Variants in DNM3 observed in about 807,000 individuals in gnomAD.
The protein encoded by DNM3 is dynamin 3.
DNM3 carries 47 observed loss-of-function variants against 101.6 expected under a neutral mutation model. The ratio of observed to expected loss-of-function variants is 0.46; its 90% confidence interval spans 0.37 to 0.59. The LOEUF is 0.59. Among genes scored for constraint, DNM3 ranks in the 20% least tolerant of loss-of-function variants. The pLI, the probability that DNM3 is intolerant of heterozygous loss-of-function variation, is 0.00. For synonymous variants in DNM3, 385 were observed against 387.9 expected (o/e 0.99, Z 0.09); for missense variants, 849 against 1,085.7 (o/e 0.78, Z 3.06).
intron 14 of DNM3, among the ~76,000 whole-genome samples, chr1:172,220,665 A>T (rs1557835572): frequency 6.6e-6 from 1 of 152,170 alleles, no homozygotes; most frequent in Non-Finnish European, 1.5e-5. Flanking sequence ...TGGAGATCGC[A>T]TTACCAAATA....
chr1:172,132,557 TA>T (rs935699749), intron 14 of DNM3, among the ~76,000 whole-genome samples: 9 of 152,308 alleles, frequency 5.9e-5, no homozygotes, highest in Admixed American at 1.3e-4. Context: ...TCCCTAGATG[TA>T]AAAATCACTA....
At chr1:172,356,071 C>T (rs2067438211) in intron 17 of DNM3, among the ~76,000 whole-genome samples, 1 of 152,056 alleles carries the variant, frequency 6.6e-6, no homozygotes, top group African/African-American at 2.4e-5. Context: ...GAGGGAAACA[C>T]TGCCAAGCTA....
intron 13 of DNM3, among the ~76,000 whole-genome samples, chr1:172,099,936 G>A (rs1000443620): frequency 1.3e-5 from 2 of 152,200 alleles, no homozygotes; most frequent in African/African-American, 4.8e-5. Flanking sequence ...GACTGATGTG[G>A]CATTTACATG....
At position 172,103,762 on chromosome 1, in the gene DNM3, G is replaced by A. The variant is rs1277752901; in HGVS notation, c.1545+10887G>A. 9.2e-5 allele frequency among the ~76,000 whole-genome samples: 14 copies of A among 152,294 alleles called. No homozygotes were observed. In the Middle Eastern group the frequency reaches 0.01, roughly 111 times the overall value. On this transcript the variant is annotated intron_variant, in intron 13 of 20. Transcript: ENST00000627582. ...TCACGCCTGTAATCCCAGCACTTTG[G>A]GGTGCCAAGGAGGGTGGATCACGAG...
chr1:171,897,944 G>T (rs1285234682), intron 1 of DNM3, among the ~76,000 whole-genome samples: 1 of 150,740 alleles, frequency 6.6e-6, no homozygotes, highest in Non-Finnish European at 1.5e-5. Context: ...ACTAATACTT[G>T]TATTTGTACA....
chr1:172,208,584 A>G (rs1278904816), intron 14 of DNM3, among the ~76,000 whole-genome samples: 1 of 152,050 alleles, frequency 6.6e-6, no homozygotes, highest in African/African-American at 2.4e-5. Context: ...CCTTTTGTGC[A>G]GATTTTGGAC....
chr1:171,985,736 C>A (rs2045204749), intron 2 of DNM3, among the ~76,000 whole-genome samples: 1 of 152,204 alleles, frequency 6.6e-6, no homozygotes, highest in Non-Finnish European at 1.5e-5. Context: ...CATTTCAATT[C>A]TTTGGTAAAT....
intron 15 of DNM3, among the ~76,000 whole-genome samples, chr1:172,302,435 G>T (rs1456125650): frequency 6.6e-6 from 1 of 152,224 alleles, no homozygotes; most frequent in African/African-American, 2.4e-5. Context: ...TCCACATCTG[G>T]GGACAGGGCA....
At chr1:171,905,677 A>G (rs754483766) in intron 1 of DNM3, among the ~76,000 whole-genome samples, 14 of 152,224 alleles carry the variant, frequency 9.2e-5, no homozygotes, top group Non-Finnish European at 2.1e-4. Flanking sequence ...AGGACTTTTA[A>G]CATAATGAGG....
At chr1:171,956,084 C>T (rs535423994) in intron 2 of DNM3, among the ~76,000 whole-genome samples, 2 of 152,090 alleles carry the variant, frequency 1.3e-5, no homozygotes, top group Non-Finnish European at 2.9e-5. Flanking sequence ...GGGGACATAG[C>T]CAAACATATC....
chr1:172,138,706 C>A, intron 14 of DNM3: 2 of 282,762 alleles, frequency 7.1e-6, no homozygotes, highest in South Asian at 3.3e-5. Context: ...AGATTAAAAC[C>A]CCAGGCCCCC....
Position 172,220,074 on chromosome 1 carries a change from G to A in DNM3, c.1660-33499G>A, listed in dbSNP as rs1572998146. Among the ~76,000 whole-genome samples, 7 of 152,248 alleles carry A rather than the reference G, an allele frequency of 4.6e-5. No homozygotes were observed. The South Asian group carries it at 8.3e-4, about 18-fold the overall frequency. ...TAACTAAATCTCACAGGAGGTCTTCGAGGAGAGCAAACCCAGAATTCATTG... is the reference window on the plus strand; with the variant it reads ...TAACTAAATCTCACAGGAGGTCTTCAAGGAGAGCAAACCCAGAATTCATTG... On this transcript the variant is annotated intron_variant, in intron 14 of 20. Coordinates refer to ENST00000627582, the MANE Select transcript of DNM3 (RefSeq NM_015569.5).
intron 1 of DNM3, among the ~76,000 whole-genome samples, chr1:171,883,674 G>T (rs538289462): frequency 1.4e-3 from 208 of 152,134 alleles, no homozygotes; most frequent in African/African-American, 4.9e-3. Flanking sequence ...GTTTTACCAT[G>T]TTGGTCAGGC....
chr1:171,842,393 G>A (rs748333580), intron 1 of DNM3, among the ~76,000 whole-genome samples: 12 of 152,176 alleles, frequency 7.9e-5, no homozygotes, highest in Non-Finnish European at 1.3e-4. Context: ...GGGGTGCGAG[G>A]AGAAAGACGT....
intron 1 of DNM3, among the ~76,000 whole-genome samples, chr1:171,891,167 T>C (rs2037236414): frequency 6.6e-6 from 1 of 152,096 alleles, no homozygotes; most frequent in Non-Finnish European, 1.5e-5. Flanking sequence ...GTCTCCTATA[T>C]AAGGAAGGTG....
chr1:171,947,357 G>A (rs568839205), intron 2 of DNM3, among the ~76,000 whole-genome samples: 42 of 152,210 alleles, frequency 2.8e-4, no homozygotes, highest in African/African-American at 9.4e-4. Context: ...CTGTTCTTAT[G>A]TGAATTTCTT....
chr1:172,173,952 A>G (rs960615763), intron 14 of DNM3, among the ~76,000 whole-genome samples: 1 of 151,702 alleles, frequency 6.6e-6, no homozygotes, highest in Non-Finnish European at 1.5e-5. Context: ...CCTAAGAGGA[A>G]TACCAAACTA....
intron 17 of DNM3, among the ~76,000 whole-genome samples, chr1:172,373,401 A>C (rs1381546334): frequency 1.3e-5 from 2 of 152,126 alleles, no homozygotes; most frequent in South Asian, 4.1e-4. Context: ...TTTAAAAACC[A>C]ACATCAGCTT....
At position 172,270,164 on chromosome 1, in the gene DNM3, G is replaced by A. The variant is rs143251917; in HGVS notation, c.1769+16482G>A. Among the ~76,000 whole-genome samples, 1,026 of 151,756 alleles carry A rather than the reference G, an allele frequency of 6.8e-3. 22 individuals carry two copies. The highest frequency in any genetic ancestry group is 0.023 in the African/African-American group (971 of 41,376). ...GTTAGAGTTGAATAATGGCATCTCT[G>A]GCAGCCATAAGTGTTTTCTATTATT... On this transcript the variant is annotated intron_variant, in intron 15 of 20. Coordinates refer to ENST00000627582, the MANE Select transcript of DNM3 (RefSeq NM_015569.5).
Sources: allele counts gnomAD v4.1 joint callset (sites outside exome capture counted in the v4.1 genomes callset), GRCh38; gene constraint gnomAD v4.1.1; transcripts MANE v1.5; gene names NCBI Gene and HGNC (gene_info 2026-07-23, HGNC 2026-07-21).